BAIAP2: variants seen among roughly 807,000 people sequenced by gnomAD.
BAIAP2 encodes BAR/IMD domain-containing adapter protein 2.
BAIAP2 carries 18 observed loss-of-function variants against 63.0 expected under a neutral mutation model. The observed-to-expected ratio is 0.29, with a 90% CI of 0.20 to 0.42. The LOEUF is 0.42. BAIAP2 is among the 10% of genes least tolerant of loss of function. The probability of loss-of-function intolerance (pLI) is 1.00; values close to 1 mark genes in which losing one functional copy is unlikely to be tolerated. For synonymous variants in BAIAP2, 386 were observed against 307.6 expected (o/e 1.25, Z -2.67); for missense variants, 610 against 734.3 (o/e 0.83, Z 1.96).
At chr17:81,067,800 G>A (rs1480890571) in intron 3 of BAIAP2, among the ~76,000 whole-genome samples, 2 of 152,248 alleles carry the variant, frequency 1.3e-5, no homozygotes, top group African/African-American at 4.8e-5. Context: ...GAGCAGGGAG[G>A]ACAGCTGGTC....
chr17:81,044,638 G>A (rs894935114), intron 1 of BAIAP2, among the ~76,000 whole-genome samples: 1 of 152,230 alleles, frequency 6.6e-6, no homozygotes, highest in African/African-American at 2.4e-5. Context: ...CACCCGTGAC[G>A]GAGTGCAGTA....
chr17:81,053,646 T>C (rs756699774), intron 1 of BAIAP2, 22 bp from the exon 2 acceptor site: 99 of 1,613,784 alleles, frequency 6.1e-5, no homozygotes, highest in Admixed American at 6.0e-4. Context: ...AGTAATGCTG[T>C]TTCTTCTCTG....
intron 1 of BAIAP2, among the ~76,000 whole-genome samples, chr17:81,037,227 C>G (rs561032115): frequency 6.6e-6 from 1 of 152,224 alleles, no homozygotes; most frequent in African/African-American, 2.4e-5. Context: ...GTGATTTTCC[C>G]AAGTGAAGAT....
chr17:81,048,107 G>A (rs1191353389), intron 1 of BAIAP2, among the ~76,000 whole-genome samples: 4 of 152,210 alleles, frequency 2.6e-5, no homozygotes, highest in Admixed American at 6.5e-5. Context: ...ATTCCTGGCC[G>A]GGAGCAGTGG....
intron 3 of BAIAP2, among the ~76,000 whole-genome samples, chr17:81,073,921 T>G (rs1013717607): frequency 1.3e-5 from 2 of 152,182 alleles, no homozygotes; most frequent in Non-Finnish European, 2.9e-5. Flanking sequence ...CGTGTATCAC[T>G]TATTTGTCTC....
chr17:81,095,046 T>C (rs972255973), intron 6 of BAIAP2, among the ~76,000 whole-genome samples: 7 of 152,254 alleles, frequency 4.6e-5, no homozygotes, highest in African/African-American at 1.7e-4. Flanking sequence ...ACTTTTGTCT[T>C]CTCTGATCAC....
chr17:81,104,459 C>A, intron 9 of BAIAP2, 55 bp from the exon 10 acceptor site: 2 of 1,526,322 alleles, frequency 1.3e-6, no homozygotes, highest in Non-Finnish European at 1.8e-6. Context: ...ACTCCCTGGG[C>A]TTTGCTGCCC....
In BAIAP2 at chr17:81,116,018, T is replaced by TG. The variant is rs1175050009; in HGVS notation, c.*183dup. The TG allele has an allele frequency of 1.1e-5, 16 of 1,460,838 alleles. No homozygotes were observed. In the African/African-American group the frequency reaches 1.5e-4, roughly 14 times the overall value. The allele number at this position is 1,460,838 out of a possible 1,614,324, so 90.5% of individuals were successfully genotyped here. A position where few individuals can be genotyped will look rare whatever the true frequency, so the allele number is the denominator to read the frequency against. Reference sequence around the variant, plus strand: ...CTGTTCTAGGCAGGGCCGGGCAGAGTGGGGCGCAGGCCCCTGAAGGGCGAG... The same window carrying TG: ...CTGTTCTAGGCAGGGCCGGGCAGAGTGGGGGCGCAGGCCCCTGAAGGGCGAG... On this transcript the variant is annotated 3_prime_UTR_variant, in exon 14 of 14. Coordinates refer to ENST00000428708, the MANE Select transcript of BAIAP2 (RefSeq NM_001144888.2).
At chr17:81,064,929 C>G (rs1236255519) in intron 3 of BAIAP2, among the ~76,000 whole-genome samples, 1 of 152,228 alleles carries the variant, frequency 6.6e-6, no homozygotes, top group Non-Finnish European at 1.5e-5. Flanking sequence ...TTCTCACAGC[C>G]CTTCTAATCC....
chr17:81,072,040 G>C (rs1434956682), intron 3 of BAIAP2, among the ~76,000 whole-genome samples: 1 of 152,234 alleles, frequency 6.6e-6, no homozygotes, highest in Non-Finnish European at 1.5e-5. Context: ...CATCATCGTG[G>C]TTGTGTTGGT....
intron 3 of BAIAP2, among the ~76,000 whole-genome samples, chr17:81,073,798 G>A (rs1478271923): frequency 6.6e-6 from 1 of 152,244 alleles, no homozygotes; most frequent in Admixed American, 6.5e-5. Flanking sequence ...GAAAGCCGAA[G>A]TGTGAGGGGC....
At chr17:81,069,910 C>A (rs188187368) in intron 3 of BAIAP2, among the ~76,000 whole-genome samples, 62 of 152,254 alleles carry the variant, frequency 4.1e-4, no homozygotes, top group African/African-American at 1.3e-3. Context: ...ACTTGTTGTA[C>A]CCAGGAAGAT....
rs146997101 is a variant in BAIAP2 at position 81,103,579 on chromosome 17, G to C, written c.720G>C (p.Ala240=). 33 of 1,603,618 alleles carry C rather than the reference G, an allele frequency of 2.1e-5. No individual in the cohort carries two copies. In the African/African-American group the frequency reaches 3.6e-4, roughly 18 times the overall value. ...CADPSKIPER[A]VQLMQQVASN... ...ACCCCAGCAAGATCCCGGAGCGCGC[G>C]GTGCAGCTCATGCAGCAGGTGGCCA... The change falls in exon 8 of 14, where the codon GCG becomes GCC. Residue 240 remains alanine (A), a synonymous_variant. Coordinates refer to ENST00000428708, the MANE Select transcript of BAIAP2 (RefSeq NM_001144888.2).
intron 13 of BAIAP2, chr17:81,110,331 A>C: frequency 2.0e-6 from 2 of 986,406 alleles, no homozygotes; most frequent in Non-Finnish European, 2.4e-6. Flanking sequence ...CGCTCCGCTA[A>C]AGATTTCAAA....
chr17:81,062,520 C>G (rs2144520610), intron 3 of BAIAP2, among the ~76,000 whole-genome samples: 1 of 152,264 alleles, frequency 6.6e-6, no homozygotes, highest in East Asian at 1.9e-4. Flanking sequence ...GCTGGGAGGT[C>G]AGTCTCTGTT....
chr17:81,057,653 G>A (rs760320891), intron 2 of BAIAP2: 27 of 1,336,588 alleles, frequency 2.0e-5, no homozygotes, highest in Middle Eastern at 2.7e-4. Context: ...GAACTGGTAC[G>A]TTGTGTTCTT....
At chr17:81,067,922 G>C (rs924621532) in intron 3 of BAIAP2, among the ~76,000 whole-genome samples, 31 of 152,304 alleles carry the variant, frequency 2.0e-4, no homozygotes, top group African/African-American at 6.5e-4. Flanking sequence ...GAGAGGAGCC[G>C]CTCAGCCTTC....
chr17:81,104,921 G>A (rs374529741), intron 10 of BAIAP2, among the ~76,000 whole-genome samples: 6 of 151,996 alleles, frequency 3.9e-5, no homozygotes, highest in East Asian at 3.9e-4. Context: ...AGGGGTCTTC[G>A]CCCCAACCAC....
At chr17:81,097,016 G>A (rs1023206028) in intron 6 of BAIAP2, among the ~76,000 whole-genome samples, 2 of 152,206 alleles carry the variant, frequency 1.3e-5, no homozygotes. Flanking sequence ...TGGGGGTGGC[G>A]GCAGAGGCCT....
Sources: gnomAD v4.1 joint callset for allele counts (sites outside exome capture counted in the v4.1 genomes callset) on GRCh38, gnomAD v4.1.1 for gene constraint, MANE v1.5 for transcripts, NCBI Gene and HGNC (gene_info 2026-07-23, HGNC 2026-07-21) for gene names.